The following PDE11A variants were observed in gnomAD, a reference collection of about 807,000 sequenced individuals.
PDE11A encodes the protein dual 3',5'-cyclic-AMP and -GMP phosphodiesterase 11A.
Under a neutral mutation model 100.5 loss-of-function variants are expected in PDE11A, and 100 were observed. That is an observed-to-expected ratio of 1.00 (90% CI 0.85 to 1.18). PDE11A has a LOEUF of 1.18. Ranked by LOEUF, PDE11A falls within the 50% of genes most tolerant of loss-of-function variation. The pLI is 0.00. For missense variants in PDE11A, 1,141 were observed against 1,152.6 expected, an observed-to-expected ratio of 0.99 and a Z score of 0.15; for synonymous variants, 381 against 420.8, an observed-to-expected ratio of 0.91 and a Z score of 1.16.
chr2:177,690,682 T>C (rs926485021), intron 15 of PDE11A, among the ~76,000 whole-genome samples: 8 of 152,250 alleles, frequency 5.3e-5, no homozygotes, highest in Admixed American at 1.3e-4. Flanking sequence ...CTGGGCATTT[T>C]CCATAATTGC....
chr2:177,982,989 A>G (rs2085901113), intron 2 of PDE11A, among the ~76,000 whole-genome samples: 1 of 150,732 alleles, frequency 6.6e-6, no homozygotes, highest in Non-Finnish European at 1.5e-5. Flanking sequence ...CTGAGGCACA[A>G]GAATCACTTG....
intron 1 of PDE11A, among the ~76,000 whole-genome samples, chr2:178,033,575 A>G (rs2086574474): frequency 6.6e-6 from 1 of 152,164 alleles, no homozygotes. Flanking sequence ...CCTCAAGAAG[A>G]GCAACCCCAA....
At chr2:178,060,399 T>A (rs2086953067) in intron 1 of PDE11A, among the ~76,000 whole-genome samples, 1 of 152,182 alleles carries the variant, frequency 6.6e-6, no homozygotes, top group Non-Finnish European at 1.5e-5. Flanking sequence ...TCTATCAATG[T>A]TTTGGCATAT....
intron 2 of PDE11A, among the ~76,000 whole-genome samples, chr2:177,969,991 A>T (rs1032655926): frequency 2.6e-5 from 4 of 152,204 alleles, no homozygotes; most frequent in South Asian, 2.1e-4. Flanking sequence ...ATGGTATCAT[A>T]TGGGGAACTT....
At position 178,054,380 on chromosome 2, in the gene PDE11A, A is replaced by G. The variant is rs1209544686; in HGVS notation, c.912+17146T>C. Among the ~76,000 whole-genome samples, 3 of 152,238 alleles carry G rather than the reference A, an allele frequency of 2.0e-5. 1 individual carries two copies. Among genetic ancestry groups the G allele is most frequent in the South Asian group, 4.1e-4 (2 of 4,832 alleles). On this transcript the variant is annotated intron_variant, in intron 1 of 19. Transcript: ENST00000286063. ...GAGTAAAGACTTAAATGTTTGACCTAAAACCATAAAAACCCTAGAAGAAAA... is the reference window on the plus strand; with the variant it reads ...GAGTAAAGACTTAAATGTTTGACCTGAAACCATAAAAACCCTAGAAGAAAA...
chr2:177,705,817 C>G (rs1464317133), intron 13 of PDE11A, among the ~76,000 whole-genome samples: 1 of 152,088 alleles, frequency 6.6e-6, no homozygotes, highest in Non-Finnish European at 1.5e-5. Context: ...CTTCTGGGAC[C>G]TGGCCGAAAG....
At chr2:177,799,114 T>C (rs1050751277) in intron 9 of PDE11A, among the ~76,000 whole-genome samples, 3 of 152,144 alleles carry the variant, frequency 2.0e-5, no homozygotes, top group Admixed American at 6.6e-5. Context: ...CAAATTCTAA[T>C]AGAGGGAAAC....
chr2:177,810,085 G>A (rs111654555), intron 9 of PDE11A, among the ~76,000 whole-genome samples: 17 of 120,012 alleles, frequency 1.4e-4, no homozygotes, highest in East Asian at 4.9e-4. Flanking sequence ...AAATAAAAGC[G>A]CAACTCTGTA....
chr2:177,822,482 TTAAA>T (rs2083156037), intron 6 of PDE11A, among the ~76,000 whole-genome samples: 1 of 152,064 alleles, frequency 6.6e-6, no homozygotes, highest in South Asian at 2.1e-4. Context: ...CCACACTGTC[TTAAA>T]TAATACAGTT....
chr2:177,767,978 C>T (rs2082261768), intron 10 of PDE11A, among the ~76,000 whole-genome samples: 1 of 152,142 alleles, frequency 6.6e-6, no homozygotes, highest in African/African-American at 2.4e-5. Context: ...CCTCCCTCTG[C>T]TGTCAGCTGT....
At chr2:177,930,112 G>A (rs12618253) in intron 2 of PDE11A, among the ~76,000 whole-genome samples, 23,986 of 152,064 alleles carry the variant, frequency 0.16, 1,958 homozygotes, top group Middle Eastern at 0.27. Context: ...TCAATTGATC[G>A]ATTAATTATG....
At chr2:177,960,554 A>G (rs544576080) in intron 2 of PDE11A, among the ~76,000 whole-genome samples, 1 of 152,128 alleles carries the variant, frequency 6.6e-6, no homozygotes, top group East Asian at 1.9e-4. Context: ...GTTGCTAAAA[A>G]TGCCCAGGCT....
chr2:177,882,284 T>C (rs1165173399), intron 4 of PDE11A, among the ~76,000 whole-genome samples: 1 of 152,192 alleles, frequency 6.6e-6, no homozygotes, highest in Non-Finnish European at 1.5e-5. Flanking sequence ...GAGAAAATTG[T>C]TTATAGTCAG....
intron 2 of PDE11A, among the ~76,000 whole-genome samples, chr2:177,964,654 C>G (rs10203217): frequency 0.063 from 9,549 of 152,172 alleles, 314 homozygotes; most frequent in South Asian, 0.094. Context: ...GTTTTCTGTT[C>G]CTGTGTTAAT....
At chr2:178,063,314 G>C (rs1364708467) in intron 1 of PDE11A, among the ~76,000 whole-genome samples, 1 of 152,120 alleles carries the variant, frequency 6.6e-6, no homozygotes, top group Non-Finnish European at 1.5e-5. Context: ...TTGTGTTTCA[G>C]GGATTATGTA....
intron 4 of PDE11A, among the ~76,000 whole-genome samples, chr2:177,892,769 G>A (rs1338713353): frequency 6.6e-6 from 1 of 152,216 alleles, no homozygotes; most frequent in African/African-American, 2.4e-5. Context: ...CACTGGATAT[G>A]CATAAATATC....
chr2:178,105,317 G>T (rs985770482), intron 1 of PDE11A, among the ~76,000 whole-genome samples: 1 of 152,026 alleles, frequency 6.6e-6, no homozygotes, highest in Non-Finnish European at 1.5e-5. Context: ...AAAATTAGCC[G>T]GGTGTGGTGG....
At chr2:177,629,695 CAA>C (rs1210087286) in intron 19 of PDE11A, 133 bp from the exon 20 acceptor site, 2 of 893,956 alleles carry the variant, frequency 2.2e-6, no homozygotes, top group Non-Finnish European at 3.7e-6. Flanking sequence ...TTTTGGTAAA[CAA>C]GAGCTATTTA....
At chr2:177,637,429 C>A (rs2080057043) in intron 19 of PDE11A, among the ~76,000 whole-genome samples, 1 of 152,300 alleles carries the variant, frequency 6.6e-6, no homozygotes, top group East Asian at 1.9e-4. Flanking sequence ...GTAGCACACT[C>A]TCCATCTCTC....
Sources: allele counts gnomAD v4.1 joint callset (sites outside exome capture counted in the v4.1 genomes callset), GRCh38; gene constraint gnomAD v4.1.1; transcripts MANE v1.5; gene names NCBI Gene and HGNC (gene_info 2026-07-23, HGNC 2026-07-21).